The following CNTN4 variants were observed in gnomAD, a reference collection of about 807,000 sequenced individuals.
CNTN4 encodes contactin 4.
Under a neutral mutation model 122.5 loss-of-function variants are expected in CNTN4, and 77 were observed. That is an observed-to-expected ratio of 0.63 (90% CI 0.52 to 0.76). The LOEUF (loss-of-function observed/expected upper bound fraction) is 0.76. Among genes scored for constraint, CNTN4 ranks in the 30% least tolerant of loss-of-function variants. The probability of loss-of-function intolerance (pLI) is 0.00; values close to 1 mark genes in which losing one functional copy is unlikely to be tolerated. For synonymous variants in CNTN4, 512 were observed against 447.0 expected (o/e 1.15, Z -1.83); for missense variants, 1,256 against 1,259.1 (o/e 1.00, Z 0.04).
At chr3:2,394,568 G>A (rs910411288) in intron 3 of CNTN4, among the ~76,000 whole-genome samples, 2 of 152,142 alleles carry the variant, frequency 1.3e-5, no homozygotes, top group African/African-American at 4.8e-5. Context: ...GAGGCTGACA[G>A]TAACAAATAC....
intron 4 of CNTN4, among the ~76,000 whole-genome samples, chr3:2,676,818 A>C (rs975812827): frequency 6.6e-6 from 1 of 152,196 alleles, no homozygotes; most frequent in African/African-American, 2.4e-5. Context: ...GTTTTTGAAA[A>C]AGTGGAGGGG....
intron 3 of CNTN4, among the ~76,000 whole-genome samples, chr3:2,356,203 A>G (rs1324408513): frequency 6.6e-6 from 1 of 152,166 alleles, no homozygotes; most frequent in South Asian, 2.1e-4. Flanking sequence ...TGAATTCGAG[A>G]AGAGTCCATA....
At chr3:2,457,825 C>A (rs746215924) in intron 3 of CNTN4, among the ~76,000 whole-genome samples, 3 of 152,082 alleles carry the variant, frequency 2.0e-5, no homozygotes, top group Non-Finnish European at 4.4e-5. Flanking sequence ...CGTTTACATC[C>A]CAAGTGTGAG....
At chr3:2,761,437 CCTGTGTGT>C (rs1210458721) in intron 6 of CNTN4, among the ~76,000 whole-genome samples, 2,063 of 130,444 alleles carry the variant, frequency 0.016, 25 homozygotes, top group Non-Finnish European at 0.023. Context: ...GTAAGTGTAA[CCTGTGTGT>C]GTGTGTGTGT....
chr3:2,143,362 C>G lies in CNTN4; in HGVS notation c.-145+42723C>G, dbSNP rs572425778. Among the ~76,000 whole-genome samples, 3 of 152,276 alleles carry G rather than the reference C, an allele frequency of 2.0e-5. No homozygotes were observed. The South Asian group carries it at 6.2e-4, about 32-fold the overall frequency. On this transcript the variant is annotated intron_variant, in intron 2 of 24. Transcript: ENST00000418658. ...ATTTTACATAAGCTGTGTGCCAAAA[C>G]TGTGTTAGGTTCAATAATGCTCATT... is the stretch of plus-strand genomic sequence containing the variant.
At position 2,853,742 on chromosome 3, in the gene CNTN4, G is replaced by A. The variant is rs371710427; in HGVS notation, c.455-13010G>A. ...CTTTGCGCTCGCTCTCTGTTTTGGC[G>A]TCTTGAAACCAGAGGAAAAAAGACC... is the stretch of plus-strand genomic sequence containing the variant. On this transcript the variant is annotated intron_variant, in intron 7 of 24. Coordinates refer to ENST00000418658, the MANE Select transcript of CNTN4 (RefSeq NM_175607.3). Among the ~76,000 whole-genome samples the A allele has an allele frequency of 1.1e-3, 166 of 152,200 alleles. 5 individuals are homozygous for A. In the South Asian group the frequency reaches 0.033, roughly 30 times the overall value.
chr3:2,805,963 G>A (rs2092458099), intron 6 of CNTN4, among the ~76,000 whole-genome samples: 1 of 152,060 alleles, frequency 6.6e-6, no homozygotes, highest in Non-Finnish European at 1.5e-5. Context: ...GTGCAGTGGT[G>A]AGATGTCGGC....
rs1344005780 is a variant in CNTN4, at chr3:2,756,352, A to G, written c.358+10655A>G. ...CAGTGCCCTTATAAAAGTGATTCCTAAGAGCTCCCTTGCTCCTTCTGCCAT... is the reference window on the plus strand; with the variant it reads ...CAGTGCCCTTATAAAAGTGATTCCTGAGAGCTCCCTTGCTCCTTCTGCCAT... On this transcript the variant is annotated intron_variant, in intron 6 of 24. Coordinates refer to ENST00000418658, the MANE Select transcript of CNTN4 (RefSeq NM_175607.3). 2.0e-5 allele frequency among the ~76,000 whole-genome samples: 3 copies of G among 152,150 alleles called. No individual in the cohort carries two copies. The South Asian group carries it at 6.2e-4, about 32-fold the overall frequency.
At chr3:2,837,448 T>A (rs2093253296) in intron 7 of CNTN4, among the ~76,000 whole-genome samples, 1 of 152,206 alleles carries the variant, frequency 6.6e-6, no homozygotes, top group Admixed American at 6.5e-5. Flanking sequence ...CTGGAGCTGT[T>A]CTGAATCTCC....
chr3:2,268,035 G>A (rs1303509919), intron 2 of CNTN4, among the ~76,000 whole-genome samples: 1 of 152,066 alleles, frequency 6.6e-6, no homozygotes, highest in Non-Finnish European at 1.5e-5. Context: ...AATGGATGTG[G>A]GCTGTGAGAA....
At chr3:2,595,083 G>A (rs1309995433) in intron 4 of CNTN4, among the ~76,000 whole-genome samples, 1 of 152,182 alleles carries the variant, frequency 6.6e-6, no homozygotes, top group African/African-American at 2.4e-5. Flanking sequence ...CTATACATTA[G>A]TGGGAACAGT....
chr3:2,724,123 A>T (rs2088047485), intron 4 of CNTN4, among the ~76,000 whole-genome samples: 1 of 152,184 alleles, frequency 6.6e-6, no homozygotes, highest in Non-Finnish European at 1.5e-5. Context: ...GTTGATTTGT[A>T]GTTTTGTAAA....
At chr3:2,779,949 G>A (rs890705073) in intron 6 of CNTN4, among the ~76,000 whole-genome samples, 9 of 152,180 alleles carry the variant, frequency 5.9e-5, no homozygotes, top group Admixed American at 3.3e-4. Flanking sequence ...AGTGACATAA[G>A]AAATTTGTTA....
intron 10 of CNTN4, among the ~76,000 whole-genome samples, chr3:2,899,846 A>G (rs528893356): frequency 2.0e-5 from 3 of 152,298 alleles, no homozygotes; most frequent in East Asian, 1.9e-4. Context: ...ATAACATTCT[A>G]TCAATACGAA....
chr3:2,487,789 T>C (rs776933143), intron 3 of CNTN4, among the ~76,000 whole-genome samples: 8 of 152,224 alleles, frequency 5.3e-5, no homozygotes, highest in Non-Finnish European at 1.0e-4. Flanking sequence ...CATTTTCCAA[T>C]CTCCTATTGT....
At chr3:2,545,881 A>G (rs2078223633) in intron 3 of CNTN4, among the ~76,000 whole-genome samples, 1 of 152,036 alleles carries the variant, frequency 6.6e-6, no homozygotes, top group Non-Finnish European at 1.5e-5. Context: ...TCAAAAGAAG[A>G]CATACAGTAT....
chr3:3,042,919 A>G (rs1700298459), intron 21 of CNTN4, 58 bp from the exon 22 acceptor site: 3 of 1,375,012 alleles, frequency 2.2e-6, no homozygotes, highest in Non-Finnish European at 3.1e-6. Flanking sequence ...TTACCTGATG[A>G]CATTGCAAAT....
chr3:2,147,055 A>G (rs993252832), intron 2 of CNTN4, among the ~76,000 whole-genome samples: 3 of 151,776 alleles, frequency 2.0e-5, no homozygotes, highest in Non-Finnish European at 4.4e-5. Flanking sequence ...TAATTTTTGT[A>G]TTTTTAGTAG....
chr3:2,402,927 C>T (rs966484589), intron 3 of CNTN4, among the ~76,000 whole-genome samples: 1 of 152,096 alleles, frequency 6.6e-6, no homozygotes, highest in Non-Finnish European at 1.5e-5. Context: ...AGTGTATTAA[C>T]TTCCTGGAGC....
Sources: gnomAD v4.1 joint callset for allele counts (sites outside exome capture counted in the v4.1 genomes callset) on GRCh38, gnomAD v4.1.1 for gene constraint, MANE v1.5 for transcripts, NCBI Gene and HGNC (gene_info 2026-07-23, HGNC 2026-07-21) for gene names.